Variants in NAA11 observed in about 807,000 individuals in gnomAD.
NAA11 encodes N-alpha-acetyltransferase 11, NatA catalytic subunit, also known as N-alpha-acetyltransferase 11.
In NAA11, 15 loss-of-function variants were observed where a neutral mutation model predicts 16.1. The observed-to-expected ratio is 0.93, with a 90% CI of 0.62 to 1.44. The LOEUF is 1.44. Ranked by LOEUF, NAA11 falls within the 40% of genes most tolerant of loss-of-function variation. NAA11 has a pLI of 0.00. For synonymous variants in NAA11, 122 were observed against 112.4 expected, an observed-to-expected ratio of 1.09 and a Z score of -0.54; for missense variants, 298 against 291.3, an observed-to-expected ratio of 1.02 and a Z score of -0.17.
At chr4:79,229,579 T>C (rs755825736) in intron 2 of NAA11, among the ~76,000 whole-genome samples, 5 of 151,998 alleles carry the variant, frequency 3.3e-5, no homozygotes, top group African/African-American at 4.8e-5. Flanking sequence ...ACTTTCACTC[T>C]GCTTTTACTC....
intron 1 of NAA11, among the ~76,000 whole-genome samples, chr4:79,320,860 A>G (rs933373801): frequency 2.6e-5 from 4 of 152,180 alleles, no homozygotes; most frequent in Non-Finnish European, 4.4e-5. Context: ...ACAATTGTAG[A>G]AGGATAGTAC....
chr4:79,265,450 C>G (rs1253502442), intron 2 of NAA11, among the ~76,000 whole-genome samples: 1 of 152,224 alleles, frequency 6.6e-6, no homozygotes, highest in Non-Finnish European at 1.5e-5. Flanking sequence ...AATTATTACA[C>G]TGGCCCCTGG....
chr4:79,164,557 A>C, the NAA11 span, among the ~76,000 whole-genome samples: 1 of 152,310 alleles, frequency 6.6e-6, no homozygotes, highest in Non-Finnish European at 1.5e-5. Context: ...AAATGTGATA[A>C]AGAACACAAA....
chr4:79,310,695 G>A (rs1362482719), intron 1 of NAA11, among the ~76,000 whole-genome samples: 1 of 152,130 alleles, frequency 6.6e-6, no homozygotes, highest in African/African-American at 2.4e-5. Context: ...GGTTAGGTAG[G>A]TTTAACCTAC....
At chr4:79,292,833 T>C (rs191204064) in intron 2 of NAA11, among the ~76,000 whole-genome samples, 110 of 152,342 alleles carry the variant, frequency 7.2e-4, no homozygotes, top group African/African-American at 2.6e-3. Context: ...TATATGTTGC[T>C]ATATTCAGGT....
At chr4:79,255,891 C>T (rs1722098571) in intron 2 of NAA11, among the ~76,000 whole-genome samples, 1 of 152,156 alleles carries the variant, frequency 6.6e-6, no homozygotes, top group South Asian at 2.1e-4. Context: ...GTATTTTATG[C>T]AGAAATTTCC....
intron 2 of NAA11, among the ~76,000 whole-genome samples, chr4:79,280,409 G>A (rs1363304328): frequency 1.3e-5 from 2 of 152,054 alleles, no homozygotes; most frequent in Non-Finnish European, 2.9e-5. Context: ...GTGATGCAAG[G>A]CAGAAAAGTT....
chr4:79,214,634 C>T, the NAA11 span, among the ~76,000 whole-genome samples: 1 of 151,932 alleles, frequency 6.6e-6, no homozygotes, highest in East Asian at 1.9e-4. Flanking sequence ...CCTGTCTATA[C>T]TAAAAATACA....
the NAA11 span, among the ~76,000 whole-genome samples, chr4:79,167,196 T>TACATACATATATATACATATATAC: frequency 8.1e-4 from 73 of 89,602 alleles, 1 homozygote; most frequent in South Asian, 1.8e-3. Flanking sequence ...TTTATATATA[T>TACATACATATATATACATATATAC]ACATACATAT....
chr4:79,300,962 T>A (rs982545710), intron 1 of NAA11, among the ~76,000 whole-genome samples: 1 of 152,194 alleles, frequency 6.6e-6, no homozygotes, highest in Non-Finnish European at 1.5e-5. Context: ...GCAGTAAGAA[T>A]GTCCTTATAT....
the NAA11 span, among the ~76,000 whole-genome samples, chr4:79,196,220 C>T: frequency 1.6e-4 from 25 of 152,092 alleles, no homozygotes; most frequent in African/African-American, 5.8e-4. Context: ...ACCTCTGGTT[C>T]CCATGCTCAG....
the NAA11 span, among the ~76,000 whole-genome samples, chr4:79,171,787 C>T: frequency 1.3e-5 from 2 of 152,110 alleles, no homozygotes; most frequent in Non-Finnish European, 2.9e-5. Flanking sequence ...TTCTATGACA[C>T]ATATTTAGGA....
chr4:79,218,457 A>T, the NAA11 span, among the ~76,000 whole-genome samples: 1 of 152,090 alleles, frequency 6.6e-6, no homozygotes, highest in African/African-American at 2.4e-5. Flanking sequence ...TTTCTGAGTC[A>T]TTAAAGGTTT....
chr4:79,224,779 G>A (rs772697477), downstream of NAA11, among the ~76,000 whole-genome samples: 4 of 152,084 alleles, frequency 2.6e-5, no homozygotes, highest in Non-Finnish European at 4.4e-5. Flanking sequence ...CAAGGTCAAC[G>A]TCAACAGTGA....
At chr4:79,209,635 AT>A in the NAA11 span, among the ~76,000 whole-genome samples, 76 of 151,736 alleles carry the variant, frequency 5.0e-4, no homozygotes, top group African/African-American at 1.2e-3. Context: ...GAAAAAAAGG[AT>A]TTTTTTTTAC....
intron 2 of NAA11, among the ~76,000 whole-genome samples, chr4:79,272,923 C>T (rs1230806129): frequency 6.6e-6 from 1 of 151,912 alleles, no homozygotes; most frequent in East Asian, 1.9e-4. Flanking sequence ...GCTATTACCA[C>T]TTTTTCTCCA....
chr4:79,268,256 G>T (rs977074306), intron 2 of NAA11, among the ~76,000 whole-genome samples: 1 of 152,038 alleles, frequency 6.6e-6, no homozygotes, highest in Non-Finnish European at 1.5e-5. Context: ...AGAATAATCA[G>T]TAGTTTATTT....
intron 1 of NAA11, among the ~76,000 whole-genome samples, chr4:79,297,141 C>T (rs886966989): frequency 6.6e-5 from 10 of 152,164 alleles, no homozygotes; most frequent in East Asian, 1.9e-4. Context: ...TTGCCGCTGT[C>T]GCCTGCCACC....
chr4:79,281,049 C>T (rs888851450), intron 2 of NAA11, among the ~76,000 whole-genome samples: 5 of 151,922 alleles, frequency 3.3e-5, no homozygotes, highest in Non-Finnish European at 7.4e-5. Flanking sequence ...GCTTTCCAGG[C>T]TCCAGTGCAA....
Sources: allele counts gnomAD v4.1 joint callset (sites outside exome capture counted in the v4.1 genomes callset), GRCh38; gene constraint gnomAD v4.1.1; transcripts MANE v1.5; gene names NCBI Gene and HGNC (gene_info 2026-07-23, HGNC 2026-07-21).